VWA3A: variants seen among roughly 807,000 people sequenced by gnomAD.
VWA3A encodes the protein von Willebrand factor A domain-containing protein 3A.
Under a neutral mutation model 160.4 loss-of-function variants are expected in VWA3A, and 134 were observed. That is an observed-to-expected ratio of 0.84 (90% CI 0.73 to 0.96). VWA3A has a LOEUF of 0.96. VWA3A is among the 40% of genes least tolerant of loss of function. The pLI, the probability that VWA3A is intolerant of heterozygous loss-of-function variation, is 0.00. For missense variants in VWA3A, 1,310 were observed against 1,447.9 expected (o/e 0.90, Z 1.55); for synonymous variants, 476 against 543.4 (o/e 0.88, Z 1.72).
intron 6 of VWA3A, among the ~76,000 whole-genome samples, chr16:22,107,171 T>C (rs2045494052): frequency 6.6e-6 from 1 of 152,142 alleles, no homozygotes; most frequent in African/African-American, 2.4e-5. Context: ...TCAGATCACT[T>C]AGAGAGTGAT....
chr16:22,117,105 C>G lies in VWA3A; in HGVS notation c.925-6C>G. 1.3e-6 allele frequency: 2 copies of G among 1,576,880 alleles called. No homozygotes were observed. The highest frequency in any genetic ancestry group is 1.7e-6 in the Non-Finnish European group (2 of 1,160,892). ...GTGAGGCCTGACCCTGGCCTCATCC[C>G]TGCAGGCTGTCCTGAAGAACCTTGC... is the stretch of plus-strand genomic sequence containing the variant. On this transcript the variant is annotated splice_polypyrimidine_tract_variant and splice_region_variant and intron_variant, in intron 10 of 33. Transcript: ENST00000389398.
At chr16:22,135,764 A>G (rs2046029262) in intron 21 of VWA3A, among the ~76,000 whole-genome samples, 1 of 151,736 alleles carries the variant, frequency 6.6e-6, no homozygotes, top group Non-Finnish European at 1.5e-5. Flanking sequence ...CTTGCTCCTT[A>G]TCATTAGTTA....
At chr16:22,142,025 C>T (rs892496475) in intron 24 of VWA3A, among the ~76,000 whole-genome samples, 2 of 152,216 alleles carry the variant, frequency 1.3e-5, no homozygotes, top group Non-Finnish European at 2.9e-5. Flanking sequence ...GCCTGATTCA[C>T]TGCTGTGAAA....
chr16:22,106,537 G>T (rs1202863721), intron 6 of VWA3A, among the ~76,000 whole-genome samples: 2 of 152,122 alleles, frequency 1.3e-5, no homozygotes, highest in Non-Finnish European at 2.9e-5. Flanking sequence ...AAGTCCAAAA[G>T]TCTTGAGGCA....
rs1334500144 is a variant in VWA3A, at chr16:22,148,319, G to A, written c.2984+13G>A. On this transcript the variant is annotated intron_variant, in intron 28 of 33. Transcript: ENST00000389398. ...AGTGCTGTGACAGGTAGGAGGCGAG[G>A]GCTGATCAGGAAGATCAAAGGGGCA... The A allele has an allele frequency of 5.0e-6, 8 of 1,584,922 alleles. No homozygotes were observed. The highest frequency in any genetic ancestry group is 1.2e-5 in the South Asian group (1 of 86,388).
intron 31 of VWA3A, among the ~76,000 whole-genome samples, chr16:22,154,805 T>G (rs929877025): frequency 6.7e-6 from 1 of 149,004 alleles, no homozygotes; most frequent in African/African-American, 2.5e-5. Flanking sequence ...ATACAAAAAA[T>G]TAGCCGGGCG....
intron 6 of VWA3A, among the ~76,000 whole-genome samples, chr16:22,103,867 C>A (rs527558583): frequency 6.6e-5 from 10 of 152,230 alleles, no homozygotes; most frequent in East Asian, 5.8e-4. Context: ...CTCTCATTGA[C>A]CAATTTACAC....
In VWA3A at chr16:22,149,851, G is replaced by T; in HGVS notation, c.3049G>T (p.Asp1017Tyr). The T allele has an allele frequency of 1.2e-6, 2 of 1,612,490 alleles. No homozygotes were observed. Among genetic ancestry groups the T allele is most frequent in the Non-Finnish European group, 1.7e-6 (2 of 1,179,048 alleles). Reference protein sequence around the residue: ...SWQDTLVETTDAACHEAMQWV... With the variant: ...SWQDTLVETTYAACHEAMQWV... ...GCAGGACACGCTGGTGGAGACCACA[G>T]ATGCAGCGTGTCATGAGGCTATGCA... is the stretch of plus-strand genomic sequence containing the variant. The change falls in exon 29 of 34, where the codon GAT becomes TAT. Residue 1017 changes from aspartate to tyrosine, a missense_variant. Coordinates refer to ENST00000389398, the MANE Select transcript of VWA3A (RefSeq NM_173615.5).
intron 27 of VWA3A, among the ~76,000 whole-genome samples, 169 bp downstream of exon 27, chr16:22,146,513 G>A (rs549265237): frequency 2.3e-4 from 35 of 152,230 alleles, no homozygotes; most frequent in Non-Finnish European, 3.2e-4. Context: ...GAGGCCGGGC[G>A]TGGTGGCTCA....
At position 22,123,539 on chromosome 16, in the gene VWA3A, A is replaced by T. The variant is rs530725133; in HGVS notation, c.1438-74A>T. ...ACCATTCCCTGAAGCCCACCCAGGT[A>T]CACGTACTTCCCCTCAGGCCCCTTG... On this transcript the variant is annotated intron_variant, in intron 15 of 33. Coordinates refer to ENST00000389398, the MANE Select transcript of VWA3A (RefSeq NM_173615.5). 3.5e-4 allele frequency: 562 copies of T among 1,611,834 alleles called. 2 individuals are homozygous for T. The African/African-American group carries it at 6.8e-3, about 20-fold the overall frequency.
At chr16:22,116,216 G>T (rs1212169320) in intron 9 of VWA3A, 1 of 356,446 alleles carries the variant, frequency 2.8e-6, no homozygotes. Context: ...AAAGAAGGAA[G>T]AGAAGGAAGG....
chr16:22,147,808 A>G (rs1487249042), intron 27 of VWA3A, among the ~76,000 whole-genome samples: 1 of 152,196 alleles, frequency 6.6e-6, no homozygotes, highest in Admixed American at 6.5e-5. Flanking sequence ...CCCAAACACC[A>G]TCTAATATTT....
chr16:22,153,556 C>T (rs1050303049), intron 31 of VWA3A, among the ~76,000 whole-genome samples: 1 of 152,092 alleles, frequency 6.6e-6, no homozygotes, highest in Admixed American at 6.6e-5. Context: ...CTAGTAAAGT[C>T]ATAGATTTCA....
At chr16:22,119,253 A>G (rs2045695789) in intron 12 of VWA3A, among the ~76,000 whole-genome samples, 1 of 152,196 alleles carries the variant, frequency 6.6e-6, no homozygotes, top group Admixed American at 6.5e-5. Flanking sequence ...TACTAACTGT[A>G]AAATTTATTT....
At position 22,152,517 on chromosome 16, in the gene VWA3A, G is replaced by A. The variant is rs369659498; in HGVS notation, c.3288G>A (p.Ala1096=). 186 of 1,612,226 alleles carry A rather than the reference G, an allele frequency of 1.2e-4. No individual in the cohort carries two copies. The highest frequency in any genetic ancestry group is 2.1e-4 in the African/African-American group (16 of 74,854). ...CTCTGTCCCTTCCTTCCAGAGCGGCGGTTGAGTTCCTGAGAAAGCTGGCTT... is the reference window on the plus strand; with the variant it reads ...CTCTGTCCCTTCCTTCCAGAGCGGCAGTTGAGTTCCTGAGAAAGCTGGCTT... The part of the protein sequence containing the change: ...TISLNCSDRA[A]VEFLRKLASF... Residue 1096 remains alanine, a synonymous_variant, in exon 31 of 34, where the codon GCG becomes GCA. Coordinates refer to ENST00000389398, the MANE Select transcript of VWA3A (RefSeq NM_173615.5).
intron 1 of VWA3A, among the ~76,000 whole-genome samples, chr16:22,093,939 ATT>A (rs11400675): frequency 1.4e-5 from 2 of 141,100 alleles, no homozygotes; most frequent in Non-Finnish European, 3.1e-5. Context: ...TAATTTTTGT[ATT>A]TTTTTTTTTT....
At position 22,144,705 on chromosome 16, in the gene VWA3A, C is replaced by T. The variant is rs147556476; in HGVS notation, c.2730+321C>T. On this transcript the variant is annotated intron_variant, in intron 26 of 33. Coordinates refer to ENST00000389398, the MANE Select transcript of VWA3A (RefSeq NM_173615.5). ...GGCTGAGGTGGGAGGATTGCTTGAG[C>T]CCAAGAGTTTGAGACCAGCCTGGGC... Among the ~76,000 whole-genome samples the T allele has an allele frequency of 3.1e-3, 477 of 151,960 alleles. 3 individuals are homozygous for T. The highest frequency in any genetic ancestry group is 0.011 in the African/African-American group (442 of 41,458).
intron 11 of VWA3A, among the ~76,000 whole-genome samples, chr16:22,118,410 G>A (rs1448187423): frequency 6.6e-6 from 1 of 152,128 alleles, no homozygotes; most frequent in Non-Finnish European, 1.5e-5. Flanking sequence ...GTCAGGATGG[G>A]TGCAGTGGCT....
At chr16:22,115,902 GAA>G (rs2045627979) in intron 9 of VWA3A, among the ~76,000 whole-genome samples, 1 of 37,720 alleles carries the variant, frequency 2.7e-5, no homozygotes, top group South Asian at 2.1e-3. Flanking sequence ...AGGAAGGAAG[GAA>G]GGAAGGAAGG....
Sources: gnomAD v4.1 joint callset for allele counts (sites outside exome capture counted in the v4.1 genomes callset) on GRCh38, gnomAD v4.1.1 for gene constraint, MANE v1.5 for transcripts, NCBI Gene and HGNC (gene_info 2026-07-23, HGNC 2026-07-21) for gene names.